NXPE2: variants seen among roughly 807,000 people sequenced by gnomAD.
NXPE2 encodes the protein neurexophilin and PC-esterase domain family member 2, also known as NXPE family member 2.
A neutral mutation model predicts 34.4 loss-of-function variants in NXPE2; 34 were observed. The ratio of observed to expected loss-of-function variants is 0.99; its 90% CI spans 0.75 to 1.31. The LOEUF is 1.31. Among genes scored for constraint, NXPE2 ranks in the 40% most tolerant of loss-of-function variants. The pLI is 0.00. For missense variants in NXPE2, 649 were observed against 672.5 expected (o/e 0.97, Z 0.39); for synonymous variants, 235 against 231.3 (o/e 1.02, Z -0.15).
chr11:114,670,109 G>A, the NXPE2 span, among the ~76,000 whole-genome samples: 1 of 152,008 alleles, frequency 6.6e-6, no homozygotes, highest in Admixed American at 6.6e-5. Flanking sequence ...CCTCAAAGGA[G>A]TCTATATTTA....
At chr11:114,670,922 A>G in the NXPE2 span, among the ~76,000 whole-genome samples, 2 of 151,818 alleles carry the variant, frequency 1.3e-5, no homozygotes, top group East Asian at 1.9e-4. Context: ...TCAGACAAAG[A>G]CTGCAAGATA....
chr11:114,554,403 A>G, the NXPE2 span: 5 of 984,958 alleles, frequency 5.1e-6, no homozygotes, highest in Non-Finnish European at 6.0e-6. Context: ...ACAATATTCC[A>G]GAACAGGGGG....
the NXPE2 span, among the ~76,000 whole-genome samples, chr11:114,643,565 G>T: frequency 1.3e-5 from 2 of 152,046 alleles, 1 homozygote; most frequent in Non-Finnish European, 2.9e-5. Flanking sequence ...TCAGATGGTT[G>T]TAGATGTGTG....
chr11:114,678,598 A>T lies in NXPE2; in HGVS notation c.23A>T (p.His8Leu). Reference sequence around the variant, plus strand: ...AAGATGGTGGAGAAAATACTCATCCATAGGTGTGGTACTTTCCAACTCTTA... The same window carrying T: ...AAGATGGTGGAGAAAATACTCATCCTTAGGTGTGGTACTTTCCAACTCTTA... MVEKILI[H>L]RILTLFPNAI... Residue 8 changes from histidine to leucine, a missense_variant, in exon 1 of 6, where the codon CAT (histidine) becomes CTT (leucine). Transcript: ENST00000389586. 1 of 1,548,844 alleles carries T rather than the reference A, an allele frequency of 6.5e-7. No individual in the cohort carries two copies. Among genetic ancestry groups the T allele is most frequent in the Non-Finnish European group, 8.7e-7 (1 of 1,144,348 alleles).
the NXPE2 span, among the ~76,000 whole-genome samples, chr11:114,720,468 G>C: frequency 6.6e-6 from 1 of 152,150 alleles, no homozygotes; most frequent in African/African-American, 2.4e-5. Context: ...GGTAGCACAG[G>C]CCACATGTTC....
chr11:114,585,344 T>C, the NXPE2 span, among the ~76,000 whole-genome samples: 1 of 152,008 alleles, frequency 6.6e-6, no homozygotes. Context: ...GTTGAGTAGA[T>C]TTTAAAAAAA....
the NXPE2 span, among the ~76,000 whole-genome samples, chr11:114,750,823 T>C: frequency 6.6e-6 from 1 of 152,192 alleles, no homozygotes; most frequent in African/African-American, 2.4e-5. Context: ...GTGCCACATA[T>C]TTGGTTGCTT....
the NXPE2 span, among the ~76,000 whole-genome samples, chr11:114,533,726 C>A: frequency 6.6e-6 from 1 of 152,206 alleles, no homozygotes; most frequent in Non-Finnish European, 1.5e-5. Context: ...AAGGCGGCAG[C>A]AAGACTAGGG....
chr11:114,642,478 G>A, the NXPE2 span, among the ~76,000 whole-genome samples: 1 of 151,786 alleles, frequency 6.6e-6, no homozygotes, highest in African/African-American at 2.4e-5. Context: ...CTGTGTCCAT[G>A]TGTTCTCATT....
the NXPE2 span, among the ~76,000 whole-genome samples, chr11:114,535,622 G>A: frequency 1.3e-5 from 2 of 151,850 alleles, no homozygotes; most frequent in African/African-American, 4.8e-5. Context: ...AAAAATGCAG[G>A]GATTGCAATC....
At chr11:114,519,962 G>GCT in the NXPE2 span, among the ~76,000 whole-genome samples, 1 of 118,854 alleles carries the variant, frequency 8.4e-6, no homozygotes. Flanking sequence ...TGCCATCTCG[G>GCT]CGAGCTTGCC....
At chr11:114,632,892 A>C in the NXPE2 span, among the ~76,000 whole-genome samples, 3 of 45,254 alleles carry the variant, frequency 6.6e-5, no homozygotes, top group African/African-American at 1.9e-4. Context: ...ATATTATATA[A>C]TTTTATGTAA....
chr11:114,600,661 T>C, the NXPE2 span, among the ~76,000 whole-genome samples: 4 of 152,108 alleles, frequency 2.6e-5, no homozygotes, highest in Non-Finnish European at 4.4e-5. Context: ...TTTGAGATCC[T>C]GGATTGGGTC....
At chr11:114,608,873 G>A in the NXPE2 span, among the ~76,000 whole-genome samples, 16 of 151,634 alleles carry the variant, frequency 1.1e-4, no homozygotes, top group African/African-American at 1.9e-4. Flanking sequence ...ACTCTTACCC[G>A]GTGGATACCA....
the NXPE2 span, among the ~76,000 whole-genome samples, chr11:114,482,997 G>A: frequency 8.6e-5 from 13 of 151,972 alleles, no homozygotes; most frequent in East Asian, 1.9e-4. Flanking sequence ...ACTTCCTAGC[G>A]TTTGTCATTC....
chr11:114,671,873 G>C, the NXPE2 span, among the ~76,000 whole-genome samples: 1 of 151,990 alleles, frequency 6.6e-6, no homozygotes, highest in Non-Finnish European at 1.5e-5. Context: ...ATATTAGTCT[G>C]TTCTCACACT....
the NXPE2 span, among the ~76,000 whole-genome samples, chr11:114,577,024 T>TAC: frequency 4.8e-5 from 1 of 20,952 alleles, no homozygotes; most frequent in Admixed American, 4.8e-4. Flanking sequence ...TATATATATA[T>TAC]ATACATATAT....
Position 114,679,654 on chromosome 11 carries a change from T to C in NXPE2, c.27-3T>C, listed in dbSNP as rs1357977041. ...TGATTATTTCTCCTGTCCTTTCTTA[T>C]AGGATACTCACTTTGTTTCCAAATG... On this transcript the variant is annotated splice_region_variant and splice_polypyrimidine_tract_variant and intron_variant, in intron 1 of 5. Coordinates refer to ENST00000389586, the MANE Select transcript of NXPE2 (RefSeq NM_182495.6). 3.3e-6 allele frequency: 5 copies of C among 1,525,292 alleles called. No homozygotes were observed. The highest frequency in any genetic ancestry group is 1.2e-5 in the South Asian group (1 of 83,290). The allele number at this position is 1,525,292 out of a possible 1,614,324, so 94.5% of individuals were successfully genotyped here.
the NXPE2 span, among the ~76,000 whole-genome samples, chr11:114,776,716 G>T: frequency 6.6e-6 from 1 of 152,298 alleles, no homozygotes; most frequent in Non-Finnish European, 1.5e-5. Context: ...TCCTATCAAG[G>T]TGATCCTGTT....
Sources: allele counts gnomAD v4.1 joint callset (sites outside exome capture counted in the v4.1 genomes callset), GRCh38; gene constraint gnomAD v4.1.1; transcripts MANE v1.5; gene names NCBI Gene and HGNC (gene_info 2026-07-23, HGNC 2026-07-21).